Variants in LAMC2 observed in about 807,000 individuals in gnomAD.
LAMC2 encodes the protein laminin subunit gamma 2.
LAMC2 carries 97 observed loss-of-function variants against 140.2 expected under a neutral mutation model. The observed-to-expected ratio is 0.69, with a 90% CI of 0.59 to 0.82. The LOEUF (loss-of-function observed/expected upper bound fraction) is 0.82. Ranked by LOEUF, LAMC2 falls within the 40% of genes least tolerant of loss-of-function variation. LAMC2 has a pLI of 0.00. For synonymous variants in LAMC2, 513 were observed against 540.2 expected (o/e 0.95, Z 0.70); for missense variants, 1,402 against 1,476.1 (o/e 0.95, Z 0.82).
At chr1:183,247,877 G>A (rs948297781), downstream of LAMC2, among the ~76,000 whole-genome samples, 7 of 152,196 alleles carry the variant, frequency 4.6e-5, no homozygotes, top group Non-Finnish European at 8.8e-5. Flanking sequence ...AAGCTAAAAA[G>A]TTGTTCAAGT....
rs147657304 is a variant in LAMC2 at position 183,239,386 on chromosome 1, C to G, written c.2892C>G (p.Asn964Lys). 6.2e-7 allele frequency: 1 copy of G among 1,614,118 alleles called. No homozygotes were observed. Among genetic ancestry groups the G allele is most frequent in the East Asian group, 2.2e-5 (1 of 44,886 alleles). Residue 964 changes from asparagine (N) to lysine (K), a missense_variant, in exon 20 of 23, where the codon AAC becomes AAG. By Grantham distance (94) the Asn-to-Lys change is moderately conservative (BLOSUM62 0). Coordinates refer to ENST00000264144, the MANE Select transcript of LAMC2 (RefSeq NM_005562.3). ...CAGAGTTTGACCTGCAGGTGGACAACAGAAAAGCAGAAGCTGAAGAAGCCA... is the reference window on the plus strand; with the variant it reads ...CAGAGTTTGACCTGCAGGTGGACAAGAGAAAAGCAGAAGCTGAAGAAGCCA... ...NLREFDLQVD[N>K]RKAEAEEAMK...
At chr1:183,188,279 T>C (rs76877165) in intron 1 of LAMC2, among the ~76,000 whole-genome samples, 337 of 152,330 alleles carry the variant, frequency 2.2e-3, no homozygotes, top group African/African-American at 7.5e-3. Flanking sequence ...TGCTTTTTCA[T>C]TCATGGGATG....
rs1237604486 is a variant in LAMC2, at chr1:183,220,874, A to G, written c.553A>G (p.Thr185Ala). ...NLDGGNPEGC[T>A]QCFCYGHSAS... ...GGATGGGGGGAACCCTGAGGGCTGT[A>G]CCCAGTGTTTCTGCTATGGGCATTC... The change falls in exon 5 of 23, where the codon ACC becomes GCC. Residue 185 changes from threonine to alanine, a missense_variant. Coordinates refer to ENST00000264144, the MANE Select transcript of LAMC2 (RefSeq NM_005562.3). The G allele has an allele frequency of 6.2e-7, 1 of 1,613,914 alleles. No homozygotes were observed. The highest frequency in any genetic ancestry group is 1.7e-5 in the Admixed American group (1 of 60,028).
intron 1 of LAMC2, among the ~76,000 whole-genome samples, chr1:183,199,871 A>G (rs1311287512): frequency 1.3e-5 from 2 of 152,220 alleles, no homozygotes; most frequent in Admixed American, 6.5e-5. Context: ...GAGGTGGGAA[A>G]GGGTTAGTGC....
intron 1 of LAMC2, among the ~76,000 whole-genome samples, chr1:183,203,424 GC>G (rs1214905767): frequency 1.3e-5 from 2 of 152,182 alleles, no homozygotes; most frequent in Non-Finnish European, 2.9e-5. Flanking sequence ...GTTTTATTAA[GC>G]CCAGTTGCAG....
chr1:183,215,880 C>T (rs892550024), intron 3 of LAMC2, among the ~76,000 whole-genome samples: 8 of 152,162 alleles, frequency 5.3e-5, no homozygotes, highest in Non-Finnish European at 1.0e-4. Context: ...AGCCTATGTC[C>T]TTTTCTCTGG....
intron 3 of LAMC2, 96 bp downstream of exon 3, chr1:183,215,684 T>G: frequency 7.1e-7 from 1 of 1,408,968 alleles, no homozygotes; most frequent in Non-Finnish European, 1.0e-6. Context: ...CCCTACCCTG[T>G]GCCAAACACT....
In LAMC2 at chr1:183,240,334, G is replaced by A. The variant is rs767196482; in HGVS notation, c.3271G>A (p.Ala1091Thr). Residue 1091 changes from alanine (A) to threonine (T), a missense_variant, in exon 22 of 23, where the codon GCT becomes ACT. Ala to Thr is a moderately conservative substitution (Grantham distance 58). Around this residue, in one of 3 missense-constraint regions of LAMC2, gnomAD observed 670 missense variants for 667.2 expected, o/e 1.00. Coordinates refer to ENST00000264144, the MANE Select transcript of LAMC2 (RefSeq NM_005562.3). The part of the protein sequence containing the change: ...AQKVDTRAKN[A>T]GVTIQDTLNT... ...GAAGGTTGATACCAGAGCCAAGAAC[G>A]CTGGGGTTACAATCCAAGACACACT... 6.2e-6 allele frequency: 10 copies of A among 1,614,058 alleles called. No homozygotes were observed. The highest frequency in any genetic ancestry group is 1.3e-5 in the African/African-American group (1 of 74,912).
intron 19 of LAMC2, 72 bp downstream of exon 19, chr1:183,238,493 C>T: frequency 2.1e-6 from 2 of 942,152 alleles, no homozygotes; most frequent in South Asian, 2.6e-5. Flanking sequence ...TTTGAATTCT[C>T]ATATGTCTCT....
At position 183,240,077 on chromosome 1, in the gene LAMC2, C is replaced by T. The variant is rs768100909; in HGVS notation, c.3107C>T (p.Ala1036Val). The T allele has an allele frequency of 5.0e-6, 8 of 1,614,098 alleles. No homozygotes were observed. The South Asian group carries it at 6.6e-5, about 13-fold the overall frequency. Reference protein sequence around the residue: ...GSLNLEANVTADGALAMEKGL... With the variant: ...GSLNLEANVTVDGALAMEKGL... ...CTGAACTTGGAAGCCAATGTGACAG[C>T]AGATGGAGCCTTGGCCATGGAAAAG... Residue 1036 changes from alanine to valine, a missense_variant, in exon 21 of 23, where the codon GCA becomes GTA. Ala to Val is a moderately conservative substitution (Grantham distance 64). Transcript: ENST00000264144.
intron 1 of LAMC2, among the ~76,000 whole-genome samples, chr1:183,191,606 C>G (rs895810193): frequency 6.6e-6 from 1 of 151,730 alleles, no homozygotes; most frequent in African/African-American, 2.4e-5. Context: ...GCCTTTAATC[C>G]CAGCACTTTG....
At chr1:183,226,456 T>C in intron 8 of LAMC2, among the ~76,000 whole-genome samples, 1 of 152,174 alleles carries the variant, frequency 6.6e-6, no homozygotes, top group East Asian at 1.9e-4. Context: ...AGAGGCTAAG[T>C]GACTTGCCCA....
chr1:183,214,310 G>C (rs921843519), intron 2 of LAMC2, among the ~76,000 whole-genome samples: 3 of 152,288 alleles, frequency 2.0e-5, no homozygotes, highest in African/African-American at 7.2e-5. Context: ...TGAGGACTGG[G>C]GAAGGGGTGG....
At chr1:183,199,330 T>C (rs911750509) in intron 1 of LAMC2, among the ~76,000 whole-genome samples, 1 of 151,858 alleles carries the variant, frequency 6.6e-6, no homozygotes, top group African/African-American at 2.4e-5. Context: ...TCTTGATCTC[T>C]TAATCTCGTG....
At position 183,240,357 on chromosome 1, in the gene LAMC2, A is replaced by G; in HGVS notation, c.3294A>G (p.Thr1098=). Residue 1098 remains threonine (T), a synonymous_variant, in exon 22 of 23, where the codon ACA becomes ACG. Transcript: ENST00000264144. The part of the protein sequence containing the change: ...AKNAGVTIQD[T]LNTLDGLLHL... ...ACGCTGGGGTTACAATCCAAGACAC[A>G]CTCAACACATTAGACGGCCTCCTGC... 3 of 1,614,212 alleles carry G rather than the reference A, an allele frequency of 1.9e-6. No individual in the cohort carries two copies. Among genetic ancestry groups the G allele is most frequent in the South Asian group, 2.2e-5 (2 of 91,078 alleles).
chr1:183,229,677 C>T (rs986365354), intron 11 of LAMC2, among the ~76,000 whole-genome samples: 2 of 151,840 alleles, frequency 1.3e-5, no homozygotes, highest in East Asian at 3.9e-4. Context: ...TCTGGACACC[C>T]AGGTTGGAAG....
chr1:183,214,426 G>C (rs535144079), intron 2 of LAMC2, among the ~76,000 whole-genome samples: 28 of 152,284 alleles, frequency 1.8e-4, no homozygotes, highest in African/African-American at 6.0e-4. Flanking sequence ...TCTGAGGAAA[G>C]AGCATTCCAG....
chr1:183,236,906 C>A (rs976774760), intron 17 of LAMC2, among the ~76,000 whole-genome samples: 5 of 152,056 alleles, frequency 3.3e-5, no homozygotes, highest in East Asian at 1.9e-4. Context: ...TTTTTGTTTA[C>A]GCTTGAGTCC....
In LAMC2 at chr1:183,240,283, T is replaced by A. The variant is rs990810643; in HGVS notation, c.3229-9T>A. On this transcript the variant is annotated splice_polypyrimidine_tract_variant and intron_variant, in intron 21 of 22. Coordinates refer to ENST00000264144, the MANE Select transcript of LAMC2 (RefSeq NM_005562.3). ...TTTTCAAGGCTGGTTTGTGCTTATT[T>A]GTCCTCAGGTGATTACAGAAGCCCA... 1 of 1,614,118 alleles carries A rather than the reference T, an allele frequency of 6.2e-7. No individual in the cohort carries two copies. Among genetic ancestry groups the A allele is most frequent in the African/African-American group, 1.3e-5 (1 of 74,932 alleles).
Sources: allele counts gnomAD v4.1 joint callset (sites outside exome capture counted in the v4.1 genomes callset), GRCh38; gene constraint gnomAD v4.1.1; regional missense constraint gnomAD v4.1.1; transcripts MANE v1.5; gene names NCBI Gene and HGNC (gene_info 2026-07-23, HGNC 2026-07-21).